Variants in GPC6 observed in about 807,000 individuals in gnomAD.
GPC6 encodes glypican 6.
A neutral mutation model predicts 55.2 loss-of-function variants in GPC6; 14 were observed. That is an observed-to-expected ratio of 0.25 (90% CI 0.17 to 0.40). The LOEUF (loss-of-function observed/expected upper bound fraction) is 0.40. Among genes scored for constraint, GPC6 ranks in the 10% least tolerant of loss-of-function variants. The pLI is 1.00. For missense variants in GPC6, 641 were observed against 708.5 expected (o/e 0.90, Z 1.08); for synonymous variants, 278 against 259.6 (o/e 1.07, Z -0.68).
intron 3 of GPC6, among the ~76,000 whole-genome samples, chr13:94,002,952 A>T (rs1270770742): frequency 6.6e-6 from 1 of 152,214 alleles, no homozygotes; most frequent in Non-Finnish European, 1.5e-5. Flanking sequence ...TGGACATTTG[A>T]TAGGATCCTG....
chr13:93,861,698 C>T (rs1888818859), intron 3 of GPC6, among the ~76,000 whole-genome samples: 1 of 151,574 alleles, frequency 6.6e-6, no homozygotes, highest in East Asian at 1.9e-4. Context: ...TTTAATTTCA[C>T]ATTGGTATAT....
intron 3 of GPC6, among the ~76,000 whole-genome samples, chr13:93,873,744 C>A (rs1047648181): frequency 6.6e-6 from 1 of 151,950 alleles, no homozygotes; most frequent in Non-Finnish European, 1.5e-5. Context: ...TATCTGAAGA[C>A]TTTTCAGATT....
intron 1 of GPC6, among the ~76,000 whole-genome samples, chr13:93,516,997 G>A (rs1881226332): frequency 6.6e-6 from 1 of 152,164 alleles, no homozygotes; most frequent in Non-Finnish European, 1.5e-5. Context: ...CAGGCATTAT[G>A]TAGCTCTCTC....
chr13:94,187,358 C>T (rs964305048), intron 4 of GPC6: 2 of 152,088 alleles, frequency 1.3e-5, no homozygotes, highest in Non-Finnish European at 2.9e-5. Context: ...ATTACAGATT[C>T]AAATTTATGG....
At chr13:93,525,554 T>TA (rs1881612986) in intron 1 of GPC6, among the ~76,000 whole-genome samples, 2 of 152,072 alleles carry the variant, frequency 1.3e-5, no homozygotes, top group Non-Finnish European at 1.5e-5. Flanking sequence ...ATTGAAACTT[T>TA]TATAAAGTAC....
intron 6 of GPC6, among the ~76,000 whole-genome samples, chr13:94,336,555 G>A (rs1035628554): frequency 5.9e-5 from 9 of 152,058 alleles, no homozygotes; most frequent in Non-Finnish European, 1.0e-4. Context: ...TCTGCACGTC[G>A]GTAGCGGTTT....
intron 2 of GPC6, among the ~76,000 whole-genome samples, chr13:93,771,774 G>A (rs1218918502): frequency 6.6e-6 from 1 of 151,748 alleles, no homozygotes; most frequent in Non-Finnish European, 1.5e-5. Flanking sequence ...GGAAAGGAAT[G>A]TGAATCACTA....
chr13:93,322,769 T>C (rs1427498325), intron 1 of GPC6, among the ~76,000 whole-genome samples: 1 of 152,040 alleles, frequency 6.6e-6, no homozygotes, highest in East Asian at 1.9e-4. Flanking sequence ...TTCTTGTTGT[T>C]GTTGTTTTTA....
chr13:93,638,972 T>A (rs936595184), intron 2 of GPC6, among the ~76,000 whole-genome samples: 11 of 152,044 alleles, frequency 7.2e-5, no homozygotes, highest in African/African-American at 2.7e-4. Context: ...ACTCCTTTTA[T>A]GGAAGTAAAT....
intron 3 of GPC6, among the ~76,000 whole-genome samples, chr13:93,907,863 ATTAACT>A (rs1594578130): frequency 6.6e-6 from 1 of 152,124 alleles, no homozygotes; most frequent in Non-Finnish European, 1.5e-5. Context: ...ATATGTATTT[ATTAACT>A]TTGTCTCCTT....
intron 1 of GPC6, among the ~76,000 whole-genome samples, chr13:93,359,297 A>G (rs1880964932): frequency 6.6e-6 from 1 of 152,102 alleles, no homozygotes; most frequent in Non-Finnish European, 1.5e-5. Context: ...AATAATAATA[A>G]TAACTAATTG....
chr13:93,258,367 C>T lies in GPC6; in HGVS notation c.160+30751C>T, dbSNP rs79280314. 6.3e-3 allele frequency among the ~76,000 whole-genome samples: 960 copies of T among 152,222 alleles called. 13 individuals carry two copies. The highest frequency in any genetic ancestry group is 0.022 in the African/African-American group (909 of 41,538). On this transcript the variant is annotated intron_variant, in intron 1 of 8. Transcript: ENST00000377047. ...GGTTTCAGCATTGTCCTCAAGTATC[C>T]AGTGCTGAGGGTCAGGAATAGGGCT...
intron 3 of GPC6, among the ~76,000 whole-genome samples, chr13:93,921,085 C>G (rs915387249): frequency 6.6e-6 from 1 of 152,174 alleles, no homozygotes; most frequent in Non-Finnish European, 1.5e-5. Flanking sequence ...GCCAGAAAAC[C>G]CTAGCTCTCC....
At chr13:94,218,412 A>C (rs1249965752) in intron 4 of GPC6, among the ~76,000 whole-genome samples, 1 of 152,192 alleles carries the variant, frequency 6.6e-6, no homozygotes, top group Non-Finnish European at 1.5e-5. Context: ...ATGAGGTGGA[A>C]GAGGTAAAAA....
chr13:93,267,375 C>T (rs781737922), intron 1 of GPC6, among the ~76,000 whole-genome samples: 1 of 149,124 alleles, frequency 6.7e-6, no homozygotes, highest in African/African-American at 2.5e-5. Flanking sequence ...ACTCATTCAT[C>T]GTTTTCCACA....
chr13:94,047,229 A>G (rs964852038), intron 4 of GPC6, among the ~76,000 whole-genome samples: 3 of 152,086 alleles, frequency 2.0e-5, no homozygotes, highest in Admixed American at 2.0e-4. Context: ...AAAACCCACA[A>G]ATTTCCAAAT....
At chr13:93,967,397 A>C (rs1763120380) in intron 3 of GPC6, among the ~76,000 whole-genome samples, 1 of 152,144 alleles carries the variant, frequency 6.6e-6, no homozygotes, top group Non-Finnish European at 1.5e-5. Flanking sequence ...ACCTCTAAAA[A>C]CTGTACTGTT....
intron 2 of GPC6, among the ~76,000 whole-genome samples, chr13:93,785,071 C>T (rs1450226837): frequency 1.3e-5 from 2 of 152,068 alleles, no homozygotes; most frequent in African/African-American, 4.8e-5. Flanking sequence ...TTAACTAAGT[C>T]CCTTAACTAA....
At chr13:93,784,676 G>A (rs978738931) in intron 2 of GPC6, among the ~76,000 whole-genome samples, 5 of 152,154 alleles carry the variant, frequency 3.3e-5, no homozygotes, top group East Asian at 1.9e-4. Context: ...GAAGTGGCCT[G>A]TAATTTTATG....
Sources: allele counts gnomAD v4.1 joint callset (sites outside exome capture counted in the v4.1 genomes callset), GRCh38; gene constraint gnomAD v4.1.1; transcripts MANE v1.5; gene names NCBI Gene and HGNC (gene_info 2026-07-23, HGNC 2026-07-21).